The following SNTG2 variants were observed in gnomAD, a reference collection of about 807,000 sequenced individuals.
SNTG2 encodes the protein gamma-2-syntrophin.
Under a neutral mutation model 70.9 loss-of-function variants are expected in SNTG2, and 74 were observed. That is an observed-to-expected ratio of 1.04 (90% CI 0.86 to 1.27). SNTG2 has a LOEUF of 1.27. Ranked by LOEUF, SNTG2 falls within the 50% of genes most tolerant of loss-of-function variation. The pLI, the probability that SNTG2 is intolerant of heterozygous loss-of-function variation, is 0.00. For missense variants in SNTG2, 717 were observed against 690.7 expected (o/e 1.04, Z -0.43); for synonymous variants, 278 against 273.8 (o/e 1.02, Z -0.15).
At chr2:1,331,844 G>A (rs1046687899) in intron 16 of SNTG2, among the ~76,000 whole-genome samples, 1 of 152,210 alleles carries the variant, frequency 6.6e-6, no homozygotes, top group Non-Finnish European at 1.5e-5. Context: ...CTCATTGCAT[G>A]TTCAGAAAAA....
At chr2:1,014,649 A>G (rs1455392822) in intron 1 of SNTG2, among the ~76,000 whole-genome samples, 2 of 141,440 alleles carry the variant, frequency 1.4e-5, no homozygotes, top group Non-Finnish European at 3.1e-5. Flanking sequence ...TGGTCTGTAG[A>G]GGGATTTATA....
chr2:1,274,807 C>T (rs999191630), intron 14 of SNTG2, among the ~76,000 whole-genome samples: 1 of 152,180 alleles, frequency 6.6e-6, no homozygotes, highest in Non-Finnish European at 1.5e-5. Flanking sequence ...GGCTGCTGGG[C>T]CCCTGCACAA....
intron 1 of SNTG2, among the ~76,000 whole-genome samples, chr2:988,008 C>T (rs916908858): frequency 2.0e-5 from 3 of 152,236 alleles, no homozygotes; most frequent in South Asian, 2.1e-4. Flanking sequence ...CCCTCAGCCT[C>T]GCCCTGCTCG....
At chr2:1,134,932 G>A (rs1425715553) in intron 4 of SNTG2, among the ~76,000 whole-genome samples, 1 of 152,138 alleles carries the variant, frequency 6.6e-6, no homozygotes, top group African/African-American at 2.4e-5. Flanking sequence ...AACTGCTGGG[G>A]GACCCAGTAC....
intron 11 of SNTG2, among the ~76,000 whole-genome samples, chr2:1,243,010 C>G (rs1677148212): frequency 6.6e-6 from 1 of 152,202 alleles, no homozygotes; most frequent in South Asian, 2.1e-4. Context: ...TATTTATGAA[C>G]TGCATATACC....
chr2:1,187,426 A>G (rs567447966), intron 8 of SNTG2, among the ~76,000 whole-genome samples: 1 of 152,272 alleles, frequency 6.6e-6, no homozygotes, highest in African/African-American at 2.4e-5. Context: ...GCAAGAAGGG[A>G]TTCTGCCAGC....
chr2:1,104,984 G>A (rs535564863), intron 4 of SNTG2, among the ~76,000 whole-genome samples: 3 of 152,268 alleles, frequency 2.0e-5, no homozygotes, highest in Admixed American at 6.5e-5. Flanking sequence ...TTCCATCTCC[G>A]GGAAGGAAAG....
intron 1 of SNTG2, among the ~76,000 whole-genome samples, chr2:1,055,575 C>T (rs148115636): frequency 1.3e-5 from 2 of 151,792 alleles, no homozygotes; most frequent in Non-Finnish European, 1.5e-5. Context: ...AATTTTGAGT[C>T]AGTGTGATGC....
intron 16 of SNTG2, among the ~76,000 whole-genome samples, chr2:1,361,345 T>TAAA (rs201621896): frequency 1.5e-3 from 225 of 149,530 alleles, no homozygotes; most frequent in East Asian, 8.6e-3. Context: ...TTGACCCATT[T>TAAA]AAAAAAAAAA....
intron 1 of SNTG2, among the ~76,000 whole-genome samples, chr2:1,015,078 C>T (rs917778557): frequency 1.2e-4 from 18 of 152,200 alleles, no homozygotes; most frequent in Admixed American, 2.6e-4. Context: ...GGGGCTGAGA[C>T]GCAGGCGGGA....
intron 1 of SNTG2, among the ~76,000 whole-genome samples, chr2:1,018,062 A>G (rs1222307515): frequency 6.6e-6 from 1 of 152,292 alleles, no homozygotes; most frequent in Non-Finnish European, 1.5e-5. Flanking sequence ...AAATGTAAAG[A>G]TATTTGTTAG....
At chr2:997,251 C>T (rs1156803414) in intron 1 of SNTG2, among the ~76,000 whole-genome samples, 1 of 152,190 alleles carries the variant, frequency 6.6e-6, no homozygotes. Context: ...GGTGCCCTCT[C>T]TAAGCACGTG....
chr2:1,212,794 G>A (rs945102334), intron 9 of SNTG2, among the ~76,000 whole-genome samples: 4 of 152,168 alleles, frequency 2.6e-5, no homozygotes, highest in African/African-American at 9.7e-5. Flanking sequence ...AGACTTGGGT[G>A]TGTTGATCCC....
At chr2:1,176,291 A>G (rs1209801979) in intron 8 of SNTG2, among the ~76,000 whole-genome samples, 4 of 152,122 alleles carry the variant, frequency 2.6e-5, no homozygotes, top group African/African-American at 7.2e-5. Flanking sequence ...CAATATTGAG[A>G]CCTACCTGAG....
chr2:1,116,272 T>C (rs1666958687), intron 4 of SNTG2, among the ~76,000 whole-genome samples: 1 of 152,212 alleles, frequency 6.6e-6, no homozygotes, highest in African/African-American at 2.4e-5. Context: ...AATGTTTTTC[T>C]CTTATTCACT....
At chr2:956,624 G>A (rs1660170391) in intron 1 of SNTG2, among the ~76,000 whole-genome samples, 1 of 152,250 alleles carries the variant, frequency 6.6e-6, no homozygotes, top group Non-Finnish European at 1.5e-5. Context: ...TCTCGGTCGG[G>A]CGTCTAGGAG....
intron 9 of SNTG2, among the ~76,000 whole-genome samples, chr2:1,236,677 T>G (rs1676680898): frequency 6.6e-6 from 1 of 152,240 alleles, no homozygotes; most frequent in Admixed American, 6.5e-5. Context: ...ACTTTTAAAA[T>G]AGCAAACTCT....
chr2:1,221,142 G>A (rs1674733263), intron 9 of SNTG2, among the ~76,000 whole-genome samples: 2 of 152,194 alleles, frequency 1.3e-5, no homozygotes, highest in South Asian at 2.1e-4. Context: ...TCTAGGCTCC[G>A]TTACGCTTTC....
At chr2:1,075,686 T>C (rs979001338) in intron 1 of SNTG2, among the ~76,000 whole-genome samples, 1 of 152,244 alleles carries the variant, frequency 6.6e-6, no homozygotes, top group African/African-American at 2.4e-5. Context: ...TGACATTTGC[T>C]GATAGATTAC....
Sources: gnomAD v4.1 joint callset for allele counts (sites outside exome capture counted in the v4.1 genomes callset) on GRCh38, gnomAD v4.1.1 for gene constraint, MANE v1.5 for transcripts, NCBI Gene and HGNC (gene_info 2026-07-23, HGNC 2026-07-21) for gene names.